PPP3CA: variants seen among roughly 807,000 people sequenced by gnomAD.
PPP3CA encodes the protein protein phosphatase 3 catalytic subunit alpha.
Under a neutral mutation model 66.5 loss-of-function variants are expected in PPP3CA, and 14 were observed. The observed-to-expected ratio is 0.21, with a 90% CI of 0.14 to 0.33. The LOEUF (loss-of-function observed/expected upper bound fraction) is 0.33. Ranked by LOEUF, PPP3CA falls within the 10% of genes least tolerant of loss-of-function variation. PPP3CA has a pLI of 1.00. For missense variants in PPP3CA, 317 were observed against 639.5 expected, an observed-to-expected ratio of 0.50 and a Z score of 5.44; for synonymous variants, 232 against 226.2, an observed-to-expected ratio of 1.03 and a Z score of -0.23.
chr4:101,316,202 C>T (rs1728879454), intron 1 of PPP3CA, among the ~76,000 whole-genome samples: 1 of 151,208 alleles, frequency 6.6e-6, no homozygotes. Flanking sequence ...TGTGTTATTA[C>T]TAAAACATAA....
At chr4:101,236,528 T>G (rs1462367875) in intron 1 of PPP3CA, among the ~76,000 whole-genome samples, 1 of 151,906 alleles carries the variant, frequency 6.6e-6, no homozygotes, top group Non-Finnish European at 1.5e-5. Flanking sequence ...TTCAACAAAA[T>G]TATCTCTCTC....
At chr4:101,030,455 C>G (rs1215364645) in intron 12 of PPP3CA, among the ~76,000 whole-genome samples, 4 of 151,552 alleles carry the variant, frequency 2.6e-5, no homozygotes, top group Admixed American at 2.6e-4. Context: ...ATTTTGGAGT[C>G]GTATCAATGT....
At chr4:101,192,636 A>C (rs1724642656) in intron 2 of PPP3CA, among the ~76,000 whole-genome samples, 1 of 152,092 alleles carries the variant, frequency 6.6e-6, no homozygotes, top group East Asian at 1.9e-4. Context: ...CTCTGCTCAC[A>C]TCATCCTTCC....
At chr4:101,053,179 G>A (rs1728083385) in intron 10 of PPP3CA, among the ~76,000 whole-genome samples, 1 of 152,042 alleles carries the variant, frequency 6.6e-6, no homozygotes, top group Non-Finnish European at 1.5e-5. Flanking sequence ...AGGGCACACT[G>A]AATTTTATTT....
chr4:101,063,171 A>G (rs1728545991), intron 9 of PPP3CA, 61 bp downstream of exon 9: 1 of 1,557,868 alleles, frequency 6.4e-7, no homozygotes, highest in Non-Finnish European at 8.7e-7. Flanking sequence ...TGAGTGTTTA[A>G]TCTCCTTTCC....
At chr4:101,325,275 G>T (rs1172945778) in intron 1 of PPP3CA, among the ~76,000 whole-genome samples, 1 of 152,164 alleles carries the variant, frequency 6.6e-6, no homozygotes, top group Non-Finnish European at 1.5e-5. Context: ...AATTTAAAAT[G>T]CAGATTCTGA....
At chr4:101,342,191 A>AT (rs1422880137) in intron 1 of PPP3CA, among the ~76,000 whole-genome samples, 1 of 152,118 alleles carries the variant, frequency 6.6e-6, no homozygotes, top group Non-Finnish European at 1.5e-5. Flanking sequence ...CTAGATGTTA[A>AT]TTTTTTCCTA....
chr4:101,029,347 T>TAAAAAAAAAAAAAAAAAAAAAAC (rs1726818160), intron 12 of PPP3CA, 152 bp from the exon 13 acceptor site: 1 of 78,822 alleles, frequency 1.3e-5, no homozygotes, highest in Non-Finnish European at 2.1e-5. Context: ...ACAGAAATGC[T>TAAAAAAAAAAAAAAAAAAAAAAC]AAAAAAAAAA....
chr4:101,229,118 T>C (rs1257024950), intron 1 of PPP3CA, among the ~76,000 whole-genome samples: 1 of 151,592 alleles, frequency 6.6e-6, no homozygotes, highest in Non-Finnish European at 1.5e-5. Flanking sequence ...CTTCAATAGG[T>C]GCTGCAGGTG....
At chr4:101,324,579 T>A (rs1311950822) in intron 1 of PPP3CA, among the ~76,000 whole-genome samples, 2 of 152,120 alleles carry the variant, frequency 1.3e-5, no homozygotes, top group African/African-American at 2.4e-5. Flanking sequence ...TCCTATCCAG[T>A]GTAATGATGC....
intron 1 of PPP3CA, among the ~76,000 whole-genome samples, chr4:101,227,358 A>G (rs1359625365): frequency 6.6e-6 from 1 of 151,734 alleles, no homozygotes; most frequent in Non-Finnish European, 1.5e-5. Context: ...ATACTAAATT[A>G]TGTAGTATTA....
At chr4:101,236,628 T>C (rs1449687230) in intron 1 of PPP3CA, among the ~76,000 whole-genome samples, 1 of 151,992 alleles carries the variant, frequency 6.6e-6, no homozygotes, top group African/African-American at 2.4e-5. Flanking sequence ...TCATCATCTA[T>C]AGAAGGCAGG....
chr4:101,154,715 T>C (rs1332722561), intron 2 of PPP3CA, among the ~76,000 whole-genome samples: 1 of 152,136 alleles, frequency 6.6e-6, no homozygotes, highest in Non-Finnish European at 1.5e-5. Context: ...ACTTCCATTT[T>C]ATGAATTTCA....
intron 6 of PPP3CA, among the ~76,000 whole-genome samples, chr4:101,093,119 T>C (rs1488093907): frequency 6.6e-6 from 1 of 152,176 alleles, no homozygotes; most frequent in African/African-American, 2.4e-5. Flanking sequence ...CCAGCATCCA[T>C]TTCCTGACTT....
chr4:101,232,796 A>G (rs956836369), intron 1 of PPP3CA, among the ~76,000 whole-genome samples: 1 of 151,628 alleles, frequency 6.6e-6, no homozygotes, highest in Non-Finnish European at 1.5e-5. Context: ...TACTATTATT[A>G]TTTTTTGTTC....
rs1560605272 is a variant in PPP3CA at position 101,106,468 on chromosome 4, A to AGAAAGAAAGAAAGAAG, written c.384+2485_384+2486insCTTCTTTCTTTCTTTC. On this transcript the variant is annotated intron_variant, in intron 3 of 13. Coordinates refer to ENST00000394854, the MANE Select transcript of PPP3CA (RefSeq NM_000944.5). ...AAGAAAGAAAGAGAAAAGAAAAGAA[A>AGAAAGAAAGAAAGAAG]AGAAAAGAAAAGAAAAGAAAAGAAA... 1.7e-4 allele frequency among the ~76,000 whole-genome samples: 8 copies of AGAAAGAAAGAAAGAAG among 46,134 alleles called. 2 individuals carry two copies. Among genetic ancestry groups the AGAAAGAAAGAAAGAAG allele is most frequent in the Admixed American group, 1.7e-4 (1 of 5,736 alleles). 30.3% of individuals were successfully genotyped at this position (46,134 alleles called of 152,430 possible). A position where few individuals can be genotyped will look rare whatever the true frequency, so the allele number is the denominator to read the frequency against.
At chr4:101,197,328 GA>G (rs1724830984) in intron 1 of PPP3CA, among the ~76,000 whole-genome samples, 1 of 152,180 alleles carries the variant, frequency 6.6e-6, no homozygotes, top group Non-Finnish European at 1.5e-5. Context: ...ATAACTAACA[GA>G]AAAGAAAAAC....
intron 6 of PPP3CA, among the ~76,000 whole-genome samples, chr4:101,090,641 C>CAAAAA (rs1218660976): frequency 4.6e-5 from 3 of 65,664 alleles, no homozygotes; most frequent in African/African-American, 5.9e-5. Context: ...GACTCTGTCT[C>CAAAAA]AAAAAAAAAA....
intron 1 of PPP3CA, among the ~76,000 whole-genome samples, chr4:101,280,162 T>C (rs1036156176): frequency 1.3e-5 from 2 of 152,044 alleles, no homozygotes; most frequent in Non-Finnish European, 2.9e-5. Flanking sequence ...TGTAAAGCAA[T>C]AAACAGACAA....
Sources: gnomAD v4.1 joint callset for allele counts (sites outside exome capture counted in the v4.1 genomes callset) on GRCh38, gnomAD v4.1.1 for gene constraint, MANE v1.5 for transcripts, NCBI Gene and HGNC (gene_info 2026-07-23, HGNC 2026-07-21) for gene names.